TSGA10: variants seen among roughly 807,000 people sequenced by gnomAD.
TSGA10 encodes testis-specific gene 10 protein.
Under a neutral mutation model 96.6 loss-of-function variants are expected in TSGA10, and 43 were observed. The observed-to-expected ratio is 0.44, with a 90% CI of 0.35 to 0.57. TSGA10 has a LOEUF of 0.57. TSGA10 is among the 20% of genes least tolerant of loss of function. The pLI is 0.01. For synonymous variants in TSGA10, 229 were observed against 269.9 expected, an observed-to-expected ratio of 0.85 and a Z score of 1.48; for missense variants, 703 against 834.4, an observed-to-expected ratio of 0.84 and a Z score of 1.94.
In TSGA10 at chr2:99,109,100, G is replaced by C. The variant is rs1040376890; in HGVS notation, c.52-109C>G. ...ATTTAAGAAAATAAGACTATATAAT[G>C]AAAGGAAATTATAAAAAATAAGTTT... On this transcript the variant is annotated intron_variant, in intron 6 of 20. Coordinates refer to ENST00000393483, the MANE Select transcript of TSGA10 (RefSeq NM_025244.4). The C allele has an allele frequency of 3.6e-5, 32 of 893,594 alleles. No homozygotes were observed. The Admixed American group carries it at 7.5e-4, about 21-fold the overall frequency. 55.4% of individuals were successfully genotyped at this position (893,594 alleles called of 1,614,324 possible).
At chr2:99,121,714 C>T (rs2092583360) in intron 2 of TSGA10, among the ~76,000 whole-genome samples, 1 of 152,068 alleles carries the variant, frequency 6.6e-6, no homozygotes, top group South Asian at 2.1e-4. Context: ...TCAAGTGATC[C>T]ATCCACCTGC....
intron 16 of TSGA10, 37 bp downstream of exon 16, chr2:99,064,902 T>G: frequency 6.6e-7 from 1 of 1,513,348 alleles, no homozygotes. Context: ...TTAAATATGA[T>G]GCAGGATGTA....
chr2:99,101,038 C>T (rs1471511138), intron 10 of TSGA10, among the ~76,000 whole-genome samples: 88 of 148,636 alleles, frequency 5.9e-4, no homozygotes, highest in Non-Finnish European at 1.6e-4. Flanking sequence ...CCAAGGTGGG[C>T]GAATCACGAG....
chr2:99,017,567 C>T (rs2079619304), intron 20 of TSGA10, among the ~76,000 whole-genome samples: 1 of 151,904 alleles, frequency 6.6e-6, no homozygotes, highest in Non-Finnish European at 1.5e-5. Context: ...AGATCGAGAC[C>T]ATCCCGGCTA....
Position 99,090,639 on chromosome 2 carries a change from T to C in TSGA10, c.612-9242A>G, listed in dbSNP as rs2089207305. The stretch of plus-strand genomic sequence containing the variant: ...GAAATGCAAAATGCACTGGAAAGTC[T>C]CAGCAATAGAACTGAACAAACAGAA... On this transcript the variant is annotated intron_variant, in intron 10 of 20. Transcript: ENST00000393483. Among the ~76,000 whole-genome samples, 3 of 152,166 alleles carry C rather than the reference T, an allele frequency of 2.0e-5. No homozygotes were observed. The South Asian group carries it at 6.2e-4, about 32-fold the overall frequency.
chr2:99,132,726 C>T (rs1329167935), intron 1 of TSGA10, among the ~76,000 whole-genome samples: 1 of 152,214 alleles, frequency 6.6e-6, no homozygotes, highest in Non-Finnish European at 1.5e-5. Context: ...ATCTTTCCTG[C>T]TGTCTCCTGT....
chr2:99,001,328 C>A (rs928490572), intron 20 of TSGA10, among the ~76,000 whole-genome samples: 1 of 152,138 alleles, frequency 6.6e-6, no homozygotes, highest in African/African-American at 2.4e-5. Flanking sequence ...GCTGGTGATA[C>A]CGAGGCAAAC....
intron 15 of TSGA10, among the ~76,000 whole-genome samples, chr2:99,067,952 C>T (rs1327605106): frequency 1.3e-5 from 2 of 152,066 alleles, no homozygotes; most frequent in Non-Finnish European, 2.9e-5. Context: ...ATCTCACTTA[C>T]TTGGGTGTTC....
intron 12 of TSGA10, among the ~76,000 whole-genome samples, chr2:99,077,127 C>CTT (rs35876721): frequency 0.03 from 2,113 of 70,522 alleles, 563 homozygotes; most frequent in Non-Finnish European, 0.046. Flanking sequence ...GACCATTCAC[C>CTT]TTTTTTTTTT....
At chr2:99,024,105 T>C (rs2080309266) in intron 17 of TSGA10, among the ~76,000 whole-genome samples, 1 of 152,010 alleles carries the variant, frequency 6.6e-6, no homozygotes, top group Non-Finnish European at 1.5e-5. Context: ...TTGTCTTTTT[T>C]TTTTTAGACA....
chr2:99,153,183 A>T (rs2093710222), intron 1 of TSGA10, among the ~76,000 whole-genome samples: 2 of 152,226 alleles, frequency 1.3e-5, no homozygotes, highest in African/African-American at 4.8e-5. Context: ...ATGAACACTT[A>T]GATGAATACT....
intron 17 of TSGA10, among the ~76,000 whole-genome samples, chr2:99,033,547 T>A (rs2081328175): frequency 6.6e-6 from 1 of 152,204 alleles, no homozygotes; most frequent in Admixed American, 6.5e-5. Context: ...TGTGTTCAAG[T>A]TGGCAGATAA....
At chr2:99,019,157 A>G (rs2079793442) in intron 18 of TSGA10, among the ~76,000 whole-genome samples, 2 of 152,208 alleles carry the variant, frequency 1.3e-5, no homozygotes, top group Non-Finnish European at 2.9e-5. Flanking sequence ...ATAAGGCACA[A>G]TATCATAGGG....
intron 16 of TSGA10, among the ~76,000 whole-genome samples, chr2:99,051,092 C>T (rs1305224556): frequency 2.0e-5 from 3 of 152,140 alleles, no homozygotes; most frequent in African/African-American, 4.8e-5. Flanking sequence ...CACAAAGAAA[C>T]TGCCGAATGG....
intron 18 of TSGA10, 40 bp downstream of exon 18, chr2:99,020,240 T>G: frequency 6.5e-7 from 1 of 1,547,878 alleles, no homozygotes; most frequent in East Asian, 2.3e-5. Flanking sequence ...ACCAAAAAAT[T>G]AAGATGTATG....
intron 16 of TSGA10, among the ~76,000 whole-genome samples, chr2:99,036,858 A>T (rs2081672744): frequency 6.6e-6 from 1 of 152,154 alleles, no homozygotes. Flanking sequence ...GAGAAAGGAA[A>T]ATTATCAGTA....
intron 1 of TSGA10, among the ~76,000 whole-genome samples, chr2:99,149,205 G>A (rs1219339729): frequency 1.3e-5 from 2 of 150,208 alleles, no homozygotes; most frequent in African/African-American, 4.9e-5. Context: ...GATTTCGATC[G>A]AAGCTGTGGA....
intron 20 of TSGA10, among the ~76,000 whole-genome samples, chr2:99,002,257 G>C (rs1389058638): frequency 6.6e-6 from 1 of 152,170 alleles, no homozygotes; most frequent in Non-Finnish European, 1.5e-5. Flanking sequence ...TACCCACAAG[G>C]GGAAGCCCAT....
intron 1 of TSGA10, among the ~76,000 whole-genome samples, chr2:99,128,501 C>G (rs1198723589): frequency 6.6e-6 from 1 of 152,178 alleles, no homozygotes; most frequent in African/African-American, 2.4e-5. Flanking sequence ...TAAGAATCAT[C>G]TGGGAATGTT....
Sources: gnomAD v4.1 joint callset for allele counts (sites outside exome capture counted in the v4.1 genomes callset) on GRCh38, gnomAD v4.1.1 for gene constraint, MANE v1.5 for transcripts, NCBI Gene and HGNC (gene_info 2026-07-23, HGNC 2026-07-21) for gene names.